MAP1B: variants seen among roughly 807,000 people sequenced by gnomAD.
MAP1B encodes microtubule-associated protein 1B.
MAP1B carries 12 observed loss-of-function variants against 176.1 expected under a neutral mutation model. That is an observed-to-expected ratio of 0.07 (90% CI 0.04 to 0.11). The LOEUF (loss-of-function observed/expected upper bound fraction) is 0.11, where lower values mean the gene tolerates loss of function less well. Ranked by LOEUF, MAP1B falls within the 10% of genes least tolerant of loss-of-function variation. The pLI is 1.00. For missense variants in MAP1B, 2,523 were observed against 2,990.5 expected, an observed-to-expected ratio of 0.84 and a Z score of 3.65; for synonymous variants, 1,044 against 1,135.0, an observed-to-expected ratio of 0.92 and a Z score of 1.61.
Position 72,207,026 on chromosome 5 carries a change from A to G in MAP1B, c.*1787A>G, listed in dbSNP as rs1747467729. The stretch of plus-strand genomic sequence containing the variant: ...TTTGCTTTGGGATTTTCTTTTCTGG[A>G]AAAAAAAAATAAAAGAAATAGTACA... On this transcript the variant is annotated 3_prime_UTR_variant, in exon 7 of 7. Coordinates refer to ENST00000296755, the MANE Select transcript of MAP1B (RefSeq NM_005909.5). 2.0e-5 allele frequency: 3 copies of G among 150,504 alleles called. No individual in the cohort carries two copies. In the South Asian group the frequency reaches 6.3e-4, roughly 32 times the overall value. The allele number at this position is 150,504 out of a possible 1,614,324, so 9.3% of individuals were successfully genotyped here. A position where few individuals can be genotyped will look rare whatever the true frequency, so the allele number is the denominator to read the frequency against.
intron 2 of MAP1B, among the ~76,000 whole-genome samples, chr5:72,123,284 G>T (rs1052558433): frequency 6.6e-6 from 1 of 152,092 alleles, no homozygotes; most frequent in Non-Finnish European, 1.5e-5. Context: ...CAAAGAAAGA[G>T]AGTTTCTTTT....
At chr5:72,169,409 A>G (rs987779006) in intron 2 of MAP1B, 2 of 152,272 alleles carry the variant, frequency 1.3e-5, no homozygotes, top group African/African-American at 4.8e-5. Flanking sequence ...GCTTACTTCT[A>G]AAGACAAAGT....
Position 72,204,466 on chromosome 5 carries a change from A to T in MAP1B, c.7252-618A>T, listed in dbSNP as rs1747399269. 6.6e-6 allele frequency among the ~76,000 whole-genome samples: 1 copy of T among 152,194 alleles called. No individual in the cohort carries two copies. The highest frequency in any genetic ancestry group is 2.1e-4 in the South Asian group (1 of 4,828). Reference sequence around the variant, plus strand: ...AGTTTTATTTGTGGTTCTGTACAAAATTACCTAGTAAATTGTGCTTGTATC... The same window carrying T: ...AGTTTTATTTGTGGTTCTGTACAAATTTACCTAGTAAATTGTGCTTGTATC... On this transcript the variant is annotated intron_variant, in intron 6 of 6. Coordinates refer to ENST00000296755, the MANE Select transcript of MAP1B (RefSeq NM_005909.5). The surrounding 1 kb of genome is among the most constrained non-coding windows in gnomAD (Gnocchi z 4.4).
chr5:72,148,817 C>G (rs1158875165), intron 2 of MAP1B, among the ~76,000 whole-genome samples: 1 of 152,244 alleles, frequency 6.6e-6, no homozygotes. Context: ...CTGTGGTGTG[C>G]TCAGGGAGAG....
intron 2 of MAP1B, among the ~76,000 whole-genome samples, chr5:72,116,671 A>G (rs79033279): frequency 6.6e-6 from 1 of 152,252 alleles, no homozygotes; most frequent in African/African-American, 2.4e-5. Context: ...CCTGGAATAT[A>G]TTTCTCCAGA....
chr5:72,173,323 G>C (rs1746581729), intron 2 of MAP1B, among the ~76,000 whole-genome samples: 1 of 152,144 alleles, frequency 6.6e-6, no homozygotes, highest in South Asian at 2.1e-4. Flanking sequence ...TATTTCTTCA[G>C]GATAGGGGTA....
In MAP1B at chr5:72,198,423, A is replaced by G. The variant is rs1376099196; in HGVS notation, c.5068A>G (p.Ser1690Gly). Residue 1690 changes from serine (S) to glycine (G), a missense_variant, in exon 5 of 7, where the codon AGT becomes GGT. Physicochemically the swap from Ser to Gly is moderately conservative, Grantham distance 56. Coordinates refer to ENST00000296755, the MANE Select transcript of MAP1B (RefSeq NM_005909.5). The stretch of plus-strand genomic sequence containing the variant: ...AAATGGGCCAACTGAAGTGGACTAC[A>G]GTCCTTCTGACATGCAGGACTCCAG... ...TENGPTEVDY[S>G]PSDMQDSSLS... 2.2e-5 allele frequency: 35 copies of G among 1,613,984 alleles called. No homozygotes were observed. The Admixed American group carries it at 3.7e-4, about 17-fold the overall frequency.
chr5:72,149,874 C>T (rs73761725), intron 2 of MAP1B, among the ~76,000 whole-genome samples: 1,668 of 152,314 alleles, frequency 0.011, 23 homozygotes, highest in African/African-American at 0.038. Context: ...GCTGGCTTCT[C>T]TATGCATATT....
chr5:72,201,002 C>T (rs1363765672), intron 5 of MAP1B, among the ~76,000 whole-genome samples: 1 of 152,148 alleles, frequency 6.6e-6, no homozygotes, highest in African/African-American at 2.4e-5. Flanking sequence ...ACATTGATGG[C>T]TCTGCTCTTA....
rs767226026 is a variant in MAP1B at position 72,199,256 on chromosome 5, C to T, written c.5901C>T (p.Pro1967=). ...TAAGTGAAAAGACCACCAGCCCCCC[C>T]GAAGTGAGTGGTTACAGCTATGAAA... ...YDISEKTTSP[P]EVSGYSYEKT... is the part of the protein sequence containing the mutation. The change falls in exon 5 of 7, where the codon CCC becomes CCT. Residue 1967 remains proline, a synonymous_variant. Transcript: ENST00000296755. The surrounding 1 kb of genome is among the most constrained non-coding windows in gnomAD (Gnocchi z 4.2). The T allele has an allele frequency of 9.9e-6, 16 of 1,613,958 alleles. No homozygotes were observed. The highest frequency in any genetic ancestry group is 2.2e-5 in the South Asian group (2 of 91,080).
intron 1 of MAP1B, among the ~76,000 whole-genome samples, chr5:72,112,454 T>C (rs892031487): frequency 6.6e-6 from 1 of 152,196 alleles, no homozygotes; most frequent in Non-Finnish European, 1.5e-5. Context: ...ACCTGACTTC[T>C]CCTCATTTTT....
chr5:72,194,735 T>A lies in MAP1B; in HGVS notation c.1380T>A (p.Asp460Glu). Residue 460 changes from aspartate (D) to glutamate (E), a missense_variant, in exon 5 of 7, where the codon GAT becomes GAA. Around this residue, in one of 4 missense-constraint regions of MAP1B, gnomAD observed 1,925 missense variants for 2,126.0 expected, o/e 0.91. Coordinates refer to ENST00000296755, the MANE Select transcript of MAP1B (RefSeq NM_005909.5). This position sits in a 1 kb window ranked among gnomAD's most constrained non-coding sequence, Gnocchi z 7.2. ...TTCTGCCTAATGGTCAAGAAGTAGA[T>A]CTCCCGATTTCCTACTTAACTTCAG... The part of the protein sequence containing the change: ...EFILPNGQEV[D>E]LPISYLTSVS... 1 of 1,614,174 alleles carries A rather than the reference T, an allele frequency of 6.2e-7. No individual in the cohort carries two copies. The highest frequency in any genetic ancestry group is 1.7e-5 in the Admixed American group (1 of 60,028).
intron 2 of MAP1B, among the ~76,000 whole-genome samples, chr5:72,121,385 G>A: frequency 6.6e-6 from 1 of 152,222 alleles, no homozygotes. Context: ...TTTGTCACTA[G>A]TTTTATAACA....
chr5:72,119,022 AT>A (rs1230026573), intron 2 of MAP1B, among the ~76,000 whole-genome samples: 1 of 152,198 alleles, frequency 6.6e-6, no homozygotes, highest in Non-Finnish European at 1.5e-5. Flanking sequence ...TTGAGATTTG[AT>A]TTGACTATTT....
At chr5:72,160,400 AC>A (rs1746306193) in intron 2 of MAP1B, among the ~76,000 whole-genome samples, 1 of 152,202 alleles carries the variant, frequency 6.6e-6, no homozygotes. Flanking sequence ...TGTTATTTAA[AC>A]AACTGTGTGA....
chr5:72,148,672 T>C (rs1746089413), intron 2 of MAP1B, among the ~76,000 whole-genome samples: 1 of 152,192 alleles, frequency 6.6e-6, no homozygotes, highest in Non-Finnish European at 1.5e-5. Flanking sequence ...CGAGGAGATG[T>C]TGAGGTGGGA....
chr5:72,192,530 A>T (rs1310949884), intron 4 of MAP1B, among the ~76,000 whole-genome samples: 1 of 152,248 alleles, frequency 6.6e-6, no homozygotes, highest in Non-Finnish European at 1.5e-5. Context: ...AGTCGAATAT[A>T]GGAAAACTCA....
intron 4 of MAP1B, among the ~76,000 whole-genome samples, chr5:72,191,590 C>T (rs1747027914): frequency 6.6e-6 from 1 of 152,214 alleles, no homozygotes; most frequent in African/African-American, 2.4e-5. Context: ...TCCCTCTGCC[C>T]AATTCCATCT....
chr5:72,167,673 A>AT (rs1746456675), intron 2 of MAP1B, among the ~76,000 whole-genome samples: 1 of 152,262 alleles, frequency 6.6e-6, no homozygotes, highest in Non-Finnish European at 1.5e-5. Flanking sequence ...GTGCACAGAC[A>AT]TTTTATATTG....
Sources: gnomAD v4.1 joint callset for allele counts (sites outside exome capture counted in the v4.1 genomes callset) on GRCh38, gnomAD v4.1.1 for gene constraint, gnomAD v4.1.1 regional missense constraint, Gnocchi (gnomAD v3.1) non-coding constraint, MANE v1.5 for transcripts, NCBI Gene and HGNC (gene_info 2026-07-23, HGNC 2026-07-21) for gene names.